The following P2RX3 variants were observed in gnomAD, a reference collection of about 807,000 sequenced individuals.
P2RX3 encodes the protein purinergic receptor P2X 3, also known as P2X purinoceptor 3.
Under a neutral mutation model 51.5 loss-of-function variants are expected in P2RX3, and 41 were observed. That is an observed-to-expected ratio of 0.80 (90% CI 0.62 to 1.03). The LOEUF is 1.03. Among genes scored for constraint, P2RX3 ranks in the 50% least tolerant of loss-of-function variants. The pLI, the probability that P2RX3 is intolerant of heterozygous loss-of-function variation, is 0.00. For missense variants in P2RX3, 459 were observed against 522.1 expected (o/e 0.88, Z 1.18); for synonymous variants, 185 against 191.6 (o/e 0.97, Z 0.29).
rs1458021136 is a variant in P2RX3 at position 57,370,694 on chromosome 11, GA to G, written c.*699del. 1 of 152,250 alleles carries G rather than the reference GA, an allele frequency of 6.6e-6. No individual in the cohort carries two copies. Among genetic ancestry groups the G allele is most frequent in the African/African-American group, 2.4e-5 (1 of 41,458 alleles). The allele number at this position is 152,250 out of a possible 1,614,324, so 9.4% of individuals were successfully genotyped here. On this transcript the variant is annotated 3_prime_UTR_variant, in exon 12 of 12. Transcript: ENST00000263314. ...CTGACTTGGGTGCATCCCAAATTTA[GA>G]AGGAAACAGAAGGCATGGCTGTCAG...
chr11:57,363,391 C>T (rs537382436), intron 8 of P2RX3, among the ~76,000 whole-genome samples: 1 of 152,256 alleles, frequency 6.6e-6, no homozygotes, highest in South Asian at 2.1e-4. Context: ...TGGCACAGTG[C>T]ACTGTGGGCC....
At chr11:57,366,105 C>T (rs1265014015) in intron 8 of P2RX3, among the ~76,000 whole-genome samples, 3 of 152,256 alleles carry the variant, frequency 2.0e-5, no homozygotes, top group East Asian at 1.9e-4. Context: ...CACCACTTTC[C>T]AAAGTTACTG....
intron 6 of P2RX3, among the ~76,000 whole-genome samples, chr11:57,349,120 G>GCTA (rs1856495962): frequency 6.6e-6 from 1 of 152,054 alleles, no homozygotes; most frequent in Non-Finnish European, 1.5e-5. Context: ...TCATTCCACA[G>GCTA]CTACTCAGTG....
rs1407912629 is a variant in P2RX3 at position 57,371,680 on chromosome 11, A to G, written c.*1683A>G. ...AGCCCCATGCCCAGGATGGTGGGGC[A>G]TATCTCCCCAGGGTCAGCCTTGGGA... On this transcript the variant is annotated 3_prime_UTR_variant, in exon 12 of 12. Transcript: ENST00000263314. Among the ~76,000 whole-genome samples, 1 of 152,164 alleles carries G rather than the reference A, an allele frequency of 6.6e-6. No individual in the cohort carries two copies. Among genetic ancestry groups the G allele is most frequent in the Admixed American group, 6.5e-5 (1 of 15,288 alleles).
intron 1 of P2RX3, among the ~76,000 whole-genome samples, chr11:57,341,894 T>A (rs959684941): frequency 2.0e-5 from 3 of 152,146 alleles, no homozygotes; most frequent in Non-Finnish European, 4.4e-5. Flanking sequence ...AAACTTGCCA[T>A]CTGTACAGCC....
intron 1 of P2RX3, among the ~76,000 whole-genome samples, chr11:57,341,123 G>C (rs964412265): frequency 9.9e-5 from 15 of 151,876 alleles, no homozygotes; most frequent in African/African-American, 2.9e-4. Context: ...GTGAGTTTGA[G>C]AGAGAGAGAG....
upstream of P2RX3, among the ~76,000 whole-genome samples, chr11:57,336,198 G>C (rs1415149982): frequency 2.0e-5 from 3 of 152,210 alleles, no homozygotes; most frequent in African/African-American, 7.2e-5. Flanking sequence ...GTCATGGAAA[G>C]GAGTCGATGG....
chr11:57,346,785 A>C (rs1032287426), intron 2 of P2RX3, 106 bp downstream of exon 2: 10 of 1,450,384 alleles, frequency 6.9e-6, no homozygotes, highest in Non-Finnish European at 9.3e-6. Context: ...ACTAGAATCC[A>C]TGATGTCACT....
chr11:57,360,393 C>A (rs1856696000), intron 8 of P2RX3, among the ~76,000 whole-genome samples: 1 of 152,152 alleles, frequency 6.6e-6, no homozygotes, highest in Admixed American at 6.5e-5. Flanking sequence ...GACAACCTAC[C>A]TAAACTCAAT....
chr11:57,364,548 T>C (rs1856769473), intron 8 of P2RX3, among the ~76,000 whole-genome samples: 1 of 152,252 alleles, frequency 6.6e-6, no homozygotes, highest in Non-Finnish European at 1.5e-5. Context: ...TGATGGTCTA[T>C]AAGGACCTCC....
intron 8 of P2RX3, among the ~76,000 whole-genome samples, chr11:57,366,861 C>T (rs1463127020): frequency 6.6e-6 from 1 of 152,022 alleles, no homozygotes; most frequent in African/African-American, 2.4e-5. Context: ...CCCATGATAG[C>T]CCATTAATCC....
intron 1 of P2RX3, among the ~76,000 whole-genome samples, chr11:57,340,911 A>G (rs553343007): frequency 6.6e-6 from 1 of 152,340 alleles, no homozygotes; most frequent in South Asian, 2.1e-4. Context: ...GCTGGCAAAC[A>G]GGGGAAAGAA....
chr11:57,348,544 C>T, intron 5 of P2RX3, 83 bp from the exon 6 acceptor site: 1 of 1,199,290 alleles, frequency 8.3e-7, no homozygotes, highest in East Asian at 2.3e-5. Context: ...GAGGCATCCA[C>T]CAGGAAAGGT....
intron 1 of P2RX3, among the ~76,000 whole-genome samples, chr11:57,341,131 G>A (rs1249168047): frequency 6.6e-6 from 1 of 152,156 alleles, no homozygotes; most frequent in Non-Finnish European, 1.5e-5. Flanking sequence ...GAGAGAGAGA[G>A]AGACAGACAC....
In P2RX3 at chr11:57,364,127, G is replaced by A. The variant is rs182513720; in HGVS notation, c.843-3882G>A. On this transcript the variant is annotated intron_variant, in intron 8 of 11. Transcript: ENST00000263314. ...CTTTGGCCAGCAGTAAAGATTTCCG[G>A]ATGACAGGCCCAGCCTCTGCCCTGC... Among the ~76,000 whole-genome samples, 7 of 152,260 alleles carry A rather than the reference G, an allele frequency of 4.6e-5. No individual in the cohort carries two copies. The East Asian group carries it at 1.4e-3, about 29-fold the overall frequency.
intron 8 of P2RX3, among the ~76,000 whole-genome samples, chr11:57,359,109 G>A (rs919316014): frequency 7.2e-5 from 11 of 152,182 alleles, no homozygotes; most frequent in Admixed American, 2.0e-4. Context: ...GTGGGAAGCC[G>A]TCACCACTGT....
intron 1 of P2RX3, 21 bp downstream of exon 1, chr11:57,338,690 G>A: frequency 2.0e-6 from 3 of 1,538,018 alleles, no homozygotes; most frequent in South Asian, 1.2e-5. Flanking sequence ...GGCCTTTCAG[G>A]TTCCTGGCGG....
intron 8 of P2RX3, among the ~76,000 whole-genome samples, chr11:57,361,279 A>G (rs1856713816): frequency 6.7e-6 from 1 of 150,206 alleles, no homozygotes. Flanking sequence ...CCCCAGCTTG[A>G]GGGTCACTTT....
At chr11:57,360,711 C>A (rs1299360641) in intron 8 of P2RX3, among the ~76,000 whole-genome samples, 1 of 149,660 alleles carries the variant, frequency 6.7e-6, no homozygotes, top group African/African-American at 2.4e-5. Flanking sequence ...AGGAGATGCA[C>A]TTGAACCCAG....
Sources: gnomAD v4.1 joint callset for allele counts (sites outside exome capture counted in the v4.1 genomes callset) on GRCh38, gnomAD v4.1.1 for gene constraint, MANE v1.5 for transcripts, NCBI Gene and HGNC (gene_info 2026-07-23, HGNC 2026-07-21) for gene names.